ARHGAP31: variants seen among roughly 807,000 people sequenced by gnomAD.
The protein encoded by ARHGAP31 is Rho GTPase activating protein 31, also known as rho GTPase-activating protein 31.
Under a neutral mutation model 113.9 loss-of-function variants are expected in ARHGAP31, and 34 were observed. The observed-to-expected ratio is 0.30, with a 90% confidence interval of 0.23 to 0.40. ARHGAP31 has a LOEUF of 0.40. Among genes scored for constraint, ARHGAP31 ranks in the 10% least tolerant of loss-of-function variants. The pLI is 1.00. For missense variants in ARHGAP31, 1,548 were observed against 1,767.1 expected (o/e 0.88, Z 2.22); for synonymous variants, 650 against 684.8 (o/e 0.95, Z 0.79).
At chr3:119,401,127 C>T (rs1259265069) in intron 9 of ARHGAP31, among the ~76,000 whole-genome samples, 1 of 149,154 alleles carries the variant, frequency 6.7e-6, no homozygotes, top group Non-Finnish European at 1.5e-5. Flanking sequence ...GCCGAGATCA[C>T]GACACTGCAC....
At chr3:119,306,322 G>C (rs1044738238) in intron 1 of ARHGAP31, among the ~76,000 whole-genome samples, 2 of 152,100 alleles carry the variant, frequency 1.3e-5, no homozygotes, top group Admixed American at 6.5e-5. Flanking sequence ...TGGGAGGTTA[G>C]GTGGGTGGAT....
chr3:119,317,420 G>A (rs2079744340), intron 1 of ARHGAP31, among the ~76,000 whole-genome samples: 1 of 152,008 alleles, frequency 6.6e-6, no homozygotes, highest in African/African-American at 2.4e-5. Flanking sequence ...CCTCATGATT[G>A]CCCACCTTGG....
intron 1 of ARHGAP31, among the ~76,000 whole-genome samples, chr3:119,340,544 T>C (rs921944893): frequency 2.0e-5 from 3 of 152,242 alleles, no homozygotes; most frequent in Non-Finnish European, 4.4e-5. Flanking sequence ...GGGCAGAGCC[T>C]GGGCCACTTG....
intron 1 of ARHGAP31, among the ~76,000 whole-genome samples, chr3:119,348,471 C>T (rs866401257): frequency 1.3e-5 from 2 of 152,096 alleles, no homozygotes; most frequent in Admixed American, 1.3e-4. Context: ...AGTAATCCTT[C>T]GTATCATCTT....
intron 11 of ARHGAP31, among the ~76,000 whole-genome samples, chr3:119,412,511 C>G (rs2080725524): frequency 2.6e-5 from 4 of 151,774 alleles, no homozygotes; most frequent in Admixed American, 6.6e-5. Context: ...AGGGAGGAGT[C>G]TAGAAGGACA....
intron 1 of ARHGAP31, among the ~76,000 whole-genome samples, chr3:119,355,378 A>G (rs1394049542): frequency 2.0e-5 from 3 of 152,154 alleles, no homozygotes; most frequent in Non-Finnish European, 4.4e-5. Context: ...ATTTTCTTTG[A>G]GGAATCCAGA....
chr3:119,346,213 C>T (rs2080055799), intron 1 of ARHGAP31, among the ~76,000 whole-genome samples: 1 of 152,252 alleles, frequency 6.6e-6, no homozygotes, highest in Non-Finnish European at 1.5e-5. Context: ...ACTTCCATCT[C>T]TTCAGTGAAT....
chr3:119,381,951 A>T (rs557472217), intron 4 of ARHGAP31, among the ~76,000 whole-genome samples: 1 of 141,018 alleles, frequency 7.1e-6, no homozygotes, highest in Non-Finnish European at 1.5e-5. Flanking sequence ...GCGCCACTGC[A>T]CTCCAGCCTG....
intron 1 of ARHGAP31, among the ~76,000 whole-genome samples, chr3:119,360,074 C>G (rs939508116): frequency 6.6e-6 from 1 of 152,164 alleles, no homozygotes; most frequent in Non-Finnish European, 1.5e-5. Flanking sequence ...TGTCATTCCT[C>G]CCTCCTGCCT....
chr3:119,375,303 G>T (rs571851308), intron 3 of ARHGAP31, among the ~76,000 whole-genome samples: 5 of 152,154 alleles, frequency 3.3e-5, no homozygotes, highest in Admixed American at 1.3e-4. Flanking sequence ...AGGAAAAGCC[G>T]TTCCTTGCTC....
At chr3:119,306,678 G>C (rs996696089) in intron 1 of ARHGAP31, among the ~76,000 whole-genome samples, 1 of 152,216 alleles carries the variant, frequency 6.6e-6, no homozygotes, top group Non-Finnish European at 1.5e-5. Flanking sequence ...AAGTGCTGCT[G>C]CAAGTCAGGA....
rs904190163 is a variant in ARHGAP31, at chr3:119,323,106, C to T, written c.100+28102C>T. Among the ~76,000 whole-genome samples, 5 of 152,238 alleles carry T rather than the reference C, an allele frequency of 3.3e-5. No homozygotes were observed. The East Asian group carries it at 9.6e-4, about 29-fold the overall frequency. ...TCTGCTCTGCGCGCCGCAGCTTCCTCCCGCTGCTCCGCCCAGCGGTTTCTG... is the reference window on the plus strand; with the variant it reads ...TCTGCTCTGCGCGCCGCAGCTTCCTTCCGCTGCTCCGCCCAGCGGTTTCTG... On this transcript the variant is annotated intron_variant, in intron 1 of 11. Coordinates refer to ENST00000264245, the MANE Select transcript of ARHGAP31 (RefSeq NM_020754.4).
intron 8 of ARHGAP31, among the ~76,000 whole-genome samples, chr3:119,395,793 G>A (rs553856968): frequency 6.6e-6 from 1 of 152,278 alleles, no homozygotes; most frequent in African/African-American, 2.4e-5. Flanking sequence ...AGGGCAGAAG[G>A]GAAATGGATT....
At position 119,321,268 on chromosome 3, in the gene ARHGAP31, A is replaced by ATATATATATACTATATATATATATATAG. The variant is rs1175415345; in HGVS notation, c.100+26275_100+26302dup. On this transcript the variant is annotated intron_variant, in intron 1 of 11. Transcript: ENST00000264245. ...TTCCTATTCAGCAGCAATTTCACATATATATATATACTATATATATATATA... is the reference window on the plus strand; with the variant it reads ...TTCCTATTCAGCAGCAATTTCACATATATATATATACTATATATATATATATAGTATATATATACTATATATATATATA... Among the ~76,000 whole-genome samples the ATATATATATACTATATATATATATATAG allele has an allele frequency of 7.2e-5, 9 of 125,370 alleles. No homozygotes were observed. In the South Asian group the frequency reaches 1.0e-3, roughly 15 times the overall value. 82.2% of individuals were successfully genotyped at this position (125,370 alleles called of 152,430 possible). A position where few individuals can be genotyped will look rare whatever the true frequency, so the allele number is the denominator to read the frequency against.
At chr3:119,308,603 CT>C (rs1298318434) in intron 1 of ARHGAP31, among the ~76,000 whole-genome samples, 1 of 152,200 alleles carries the variant, frequency 6.6e-6, no homozygotes. Context: ...GTTAAGCCTG[CT>C]TGTATAATCC....
rs771210000 is a variant in ARHGAP31 at position 119,402,035 on chromosome 3, C to G, written c.1283C>G (p.Pro428Arg). 22 of 1,614,202 alleles carry G rather than the reference C, an allele frequency of 1.4e-5. No individual in the cohort carries two copies. The highest frequency in any genetic ancestry group is 1.9e-5 in the Non-Finnish European group (22 of 1,180,046). ...CTCCAGGGCGCTCAGGCCCGGCCCC[C>G]ACCGGAACAGCTGAAGGTTTTCCGG... ...SHLQGAQARP[P>R]PEQLKVFRPV... Residue 428 changes from proline to arginine, a missense_variant, in exon 10 of 12, where the codon CCA (proline) becomes CGA (arginine). Coordinates refer to ENST00000264245, the MANE Select transcript of ARHGAP31 (RefSeq NM_020754.4).
chr3:119,316,871 T>C (rs2079736594), intron 1 of ARHGAP31, among the ~76,000 whole-genome samples: 2 of 152,230 alleles, frequency 1.3e-5, no homozygotes, highest in African/African-American at 4.8e-5. Context: ...CACTGCTGCT[T>C]GAATCTGCAA....
At chr3:119,315,769 G>T (rs951584780) in intron 1 of ARHGAP31, among the ~76,000 whole-genome samples, 13 of 152,226 alleles carry the variant, frequency 8.5e-5, no homozygotes, top group Admixed American at 3.3e-4. Context: ...GCTGACAATA[G>T]TAAGAGGCTT....
intron 1 of ARHGAP31, among the ~76,000 whole-genome samples, chr3:119,354,476 TTGTG>T (rs5852200): frequency 0.2 from 28,930 of 147,558 alleles, 4,102 homozygotes; most frequent in African/African-American, 0.41. Context: ...TGTGTGTGGT[TTGTG>T]TGTGTGTGTG....
Sources: allele counts gnomAD v4.1 joint callset (sites outside exome capture counted in the v4.1 genomes callset), GRCh38; gene constraint gnomAD v4.1.1; transcripts MANE v1.5; gene names NCBI Gene and HGNC (gene_info 2026-07-23, HGNC 2026-07-21).